GLDC: variants seen among roughly 807,000 people sequenced by gnomAD.
GLDC encodes glycine decarboxylase.
In GLDC, 104 loss-of-function variants were observed where a neutral mutation model predicts 121.3. The observed-to-expected ratio is 0.86, with a 90% confidence interval of 0.73 to 1.01. The LOEUF (loss-of-function observed/expected upper bound fraction) is 1.01, where lower values mean the gene tolerates loss of function less well. Among genes scored for constraint, GLDC ranks in the 50% least tolerant of loss-of-function variants. The pLI is 0.00. For missense variants in GLDC, 1,429 were observed against 1,306.6 expected, an observed-to-expected ratio of 1.09 and a Z score of -1.44; for synonymous variants, 546 against 480.6, an observed-to-expected ratio of 1.14 and a Z score of -1.78.
intron 4 of GLDC, among the ~76,000 whole-genome samples, chr9:6,607,917 G>A (rs546578400): frequency 1.3e-5 from 2 of 151,580 alleles, no homozygotes; most frequent in East Asian, 3.9e-4. Context: ...GAGCTCAGGG[G>A]TTCAAGACCA....
At chr9:6,560,628 A>C (rs1173227965) in intron 16 of GLDC, among the ~76,000 whole-genome samples, 4 of 152,358 alleles carry the variant, frequency 2.6e-5, no homozygotes, top group Middle Eastern at 3.4e-3. Context: ...AGAAGGAGAA[A>C]GGGGAATGTT....
intron 21 of GLDC, among the ~76,000 whole-genome samples, chr9:6,545,288 T>C (rs1817364186): frequency 6.6e-6 from 1 of 152,208 alleles, no homozygotes; most frequent in African/African-American, 2.4e-5. Context: ...GTCTACTATA[T>C]ATACCTAGGC....
At chr9:6,614,409 A>AT (rs1271473884) in intron 3 of GLDC, among the ~76,000 whole-genome samples, 2 of 148,398 alleles carry the variant, frequency 1.3e-5, no homozygotes, top group Admixed American at 6.7e-5. Flanking sequence ...TAATTTTTAT[A>AT]TTTTTTTGTA....
chr9:6,538,084 C>A (rs1563828247), intron 22 of GLDC, among the ~76,000 whole-genome samples: 1 of 151,816 alleles, frequency 6.6e-6, no homozygotes, highest in Non-Finnish European at 1.5e-5. Flanking sequence ...TAAATGCATA[C>A]ACCTTTGTCA....
intron 5 of GLDC, chr9:6,605,510 G>C (rs1198638221): frequency 1.4e-5 from 8 of 577,048 alleles, no homozygotes; most frequent in Non-Finnish European, 2.2e-5. Flanking sequence ...ACTCCCCTTT[G>C]CCCTTTCCTG....
chr9:6,607,641 T>A (rs1463107254), intron 4 of GLDC, among the ~76,000 whole-genome samples: 1 of 151,996 alleles, frequency 6.6e-6, no homozygotes, highest in African/African-American at 2.4e-5. Context: ...TATTTATTTT[T>A]ATTTTATTTT....
At chr9:6,581,179 C>G (rs1024468306) in intron 15 of GLDC, among the ~76,000 whole-genome samples, 13 of 152,198 alleles carry the variant, frequency 8.5e-5, no homozygotes, top group Admixed American at 2.0e-4. Context: ...CTTCTCAGTC[C>G]TTCCCGGGCA....
At chr9:6,541,300 T>C (rs1057400106) in intron 21 of GLDC, 2 of 152,092 alleles carry the variant, frequency 1.3e-5, no homozygotes, top group African/African-American at 2.4e-5. Flanking sequence ...GCTTCCCAAA[T>C]TCCACGGTCC....
At chr9:6,562,857 G>A (rs762580374) in intron 16 of GLDC, among the ~76,000 whole-genome samples, 31 of 152,168 alleles carry the variant, frequency 2.0e-4, no homozygotes, top group Non-Finnish European at 3.7e-4. Context: ...CACCATGCCC[G>A]AGCTAATTAA....
chr9:6,558,508 C>A, intron 17 of GLDC, 51 bp downstream of exon 17: 1 of 1,605,736 alleles, frequency 6.2e-7, no homozygotes, highest in African/African-American at 1.3e-5. Context: ...CTGATCCCCA[C>A]CAGCACTCCC....
At chr9:6,644,531 C>A in intron 2 of GLDC, 83 bp downstream of exon 2, 1 of 927,426 alleles carries the variant, frequency 1.1e-6, no homozygotes, top group East Asian at 2.4e-5. Flanking sequence ...CAATCCTTAC[C>A]CCAGAGCTCG....
rs141971292 is a variant in GLDC, at chr9:6,617,446, C to A, written c.470+2738G>T. On this transcript the variant is annotated intron_variant, in intron 3 of 24. Coordinates refer to ENST00000321612, the MANE Select transcript of GLDC (RefSeq NM_000170.3). ...ATTCAGATGGCTGGAATGCTGCAGC[C>A]CGTTCATGTACTTTTGAGGCTTTTC... Among the ~76,000 whole-genome samples, 916 of 152,032 alleles carry A rather than the reference C, an allele frequency of 6.0e-3. 14 individuals are homozygous for A. The highest frequency in any genetic ancestry group is 0.021 in the African/African-American group (876 of 41,452).
At chr9:6,616,772 T>C (rs1368609961) in intron 3 of GLDC, among the ~76,000 whole-genome samples, 1 of 152,258 alleles carries the variant, frequency 6.6e-6, no homozygotes, top group African/African-American at 2.4e-5. Flanking sequence ...GGATGCTTGA[T>C]ATATTCAACA....
At chr9:6,620,425 A>C (rs139533511) in intron 2 of GLDC, 106 bp from the exon 3 acceptor site, 2 of 970,560 alleles carry the variant, frequency 2.1e-6, no homozygotes, top group African/African-American at 3.2e-5. Flanking sequence ...CAGAATAACT[A>C]TATGGAAAAT....
At chr9:6,593,048 G>C (rs1331821620) in intron 9 of GLDC, 58 bp from the exon 10 acceptor site, 1 of 1,561,970 alleles carries the variant, frequency 6.4e-7, no homozygotes, top group Non-Finnish European at 8.8e-7. Context: ...CTCAGCCATT[G>C]ACATGTCACA....
intron 2 of GLDC, among the ~76,000 whole-genome samples, chr9:6,637,068 A>G (rs1302267921): frequency 6.7e-6 from 1 of 148,364 alleles, no homozygotes; most frequent in Admixed American, 6.7e-5. Context: ...TGGGTGACAG[A>G]GCAGAACTGG....
At chr9:6,569,944 C>G (rs911440584) in intron 15 of GLDC, among the ~76,000 whole-genome samples, 1 of 152,114 alleles carries the variant, frequency 6.6e-6, no homozygotes, top group Non-Finnish European at 1.5e-5. Context: ...CCACTGCACT[C>G]CAGCCTGGGC....
Position 6,556,289 on chromosome 9 carries a change from T to G in GLDC, c.2066A>C (p.Lys689Thr), listed in dbSNP as rs200451792. 1 of 1,613,576 alleles carries G rather than the reference T, an allele frequency of 6.2e-7. No individual in the cohort carries two copies. The highest frequency in any genetic ancestry group is 2.2e-5 in the East Asian group (1 of 44,882). ...AATCATGATAGCTGCTAGGTTCTCC[T>G]TGTGCTTATCCACCTGTGAAAGAAA... ...VHLKAMVDKH[K>T]ENLAAIMITY... Residue 689 changes from lysine (K) to threonine (T), a missense_variant, in exon 18 of 25, where the codon AAG becomes ACG. Lys to Thr is a moderately conservative substitution (Grantham distance 78). Coordinates refer to ENST00000321612, the MANE Select transcript of GLDC (RefSeq NM_000170.3).
rs188443650 is a variant in GLDC, at chr9:6,592,070, C to G, written c.1482+73G>C. The G allele has an allele frequency of 8.7e-6, 8 of 917,438 alleles. No homozygotes were observed. The East Asian group carries it at 1.9e-4, about 22-fold the overall frequency. 56.8% of individuals were successfully genotyped at this position (917,438 alleles called of 1,614,324 possible). The stretch of plus-strand genomic sequence containing the variant: ...ACACTTGGGCCCCTTCTCCCTCACA[C>G]TCAGGGGATAAGCTACTTTTGCTAC... On this transcript the variant is annotated intron_variant, in intron 11 of 24. Transcript: ENST00000321612.
Sources: gnomAD v4.1 joint callset for allele counts (sites outside exome capture counted in the v4.1 genomes callset) on GRCh38, gnomAD v4.1.1 for gene constraint, MANE v1.5 for transcripts, NCBI Gene and HGNC (gene_info 2026-07-23, HGNC 2026-07-21) for gene names.